PLEKHD1: variants seen among roughly 807,000 people sequenced by gnomAD.
The protein encoded by PLEKHD1 is pleckstrin homology domain-containing family D member 1.
PLEKHD1 carries 51 observed loss-of-function variants against 69.2 expected under a neutral mutation model. The ratio of observed to expected loss-of-function variants is 0.74; its 90% CI spans 0.59 to 0.93. PLEKHD1 has a LOEUF of 0.93. Ranked by LOEUF, PLEKHD1 falls within the 40% of genes least tolerant of loss-of-function variation. The pLI is 0.00. For synonymous variants in PLEKHD1, 236 were observed against 244.7 expected, an observed-to-expected ratio of 0.96 and a Z score of 0.33; for missense variants, 584 against 641.0, an observed-to-expected ratio of 0.91 and a Z score of 0.96.
chr14:69,473,591 A>G, the PLEKHD1 span, among the ~76,000 whole-genome samples: 1 of 152,176 alleles, frequency 6.6e-6, no homozygotes, highest in African/African-American at 2.4e-5. Context: ...CCCGGATCCT[A>G]TTACTGGCTC....
At chr14:69,470,068 G>A in the PLEKHD1 span, among the ~76,000 whole-genome samples, 1 of 152,010 alleles carries the variant, frequency 6.6e-6, no homozygotes, top group Non-Finnish European at 1.5e-5. Context: ...TCTGAGGTTT[G>A]CTTTAATTAC....
intron 6 of PLEKHD1, among the ~76,000 whole-genome samples, chr14:69,504,312 G>A (rs1035233735): frequency 7.9e-5 from 12 of 152,148 alleles, no homozygotes; most frequent in African/African-American, 2.9e-4. Context: ...ACTTTTCTTT[G>A]CCTAGTCACT....
chr14:69,522,720 C>A (rs895486397), intron 7 of PLEKHD1, among the ~76,000 whole-genome samples: 1 of 152,084 alleles, frequency 6.6e-6, no homozygotes, highest in Non-Finnish European at 1.5e-5. Context: ...TGCTGTTGGC[C>A]AAGACCCTCA....
At chr14:69,476,330 G>A in the PLEKHD1 span, among the ~76,000 whole-genome samples, 1 of 150,680 alleles carries the variant, frequency 6.6e-6, no homozygotes, top group Non-Finnish European at 1.5e-5. Flanking sequence ...AGCAACAGGA[G>A]GATCTTTCGA....
chr14:69,528,764 A>G lies in PLEKHD1; in HGVS notation c.*345A>G. Reference sequence around the variant, plus strand: ...AGGTGCTGTCTACCACTGTGCCATCAGGCAGGGTCTGCCCCACTGAGGAAG... The same window carrying G: ...AGGTGCTGTCTACCACTGTGCCATCGGGCAGGGTCTGCCCCACTGAGGAAG... On this transcript the variant is annotated 3_prime_UTR_variant, in exon 13 of 13. Transcript: ENST00000322564. 3.8e-6 allele frequency: 1 copy of G among 265,324 alleles called. No homozygotes were observed. The highest frequency in any genetic ancestry group is 7.2e-6 in the Non-Finnish European group (1 of 138,634). The allele number at this position is 265,324 out of a possible 1,614,324, so 16.4% of individuals were successfully genotyped here.
intron 6 of PLEKHD1, among the ~76,000 whole-genome samples, chr14:69,510,333 A>T (rs1272323872): frequency 8.5e-5 from 13 of 152,192 alleles, no homozygotes; most frequent in Admixed American, 8.5e-4. Flanking sequence ...AACATGGACT[A>T]TCCCTTCATT....
At chr14:69,518,068 G>C (rs756457350) in intron 6 of PLEKHD1, among the ~76,000 whole-genome samples, 1 of 151,858 alleles carries the variant, frequency 6.6e-6, no homozygotes, top group Non-Finnish European at 1.5e-5. Flanking sequence ...GCATCACTTT[G>C]TCACCCAGGC....
intron 6 of PLEKHD1, 156 bp downstream of exon 6, chr14:69,503,035 G>A: frequency 1.3e-6 from 1 of 775,592 alleles, no homozygotes; most frequent in Non-Finnish European, 2.1e-6. Flanking sequence ...GTGCTTGCTT[G>A]GGACTTGCTG....
Position 69,527,327 on chromosome 14 carries a change from T to C in PLEKHD1, c.1196T>C (p.Leu399Pro). Residue 399 changes from leucine to proline, a missense_variant, in exon 11 of 13, where the codon CTG becomes CCG. Coordinates refer to ENST00000322564, the MANE Select transcript of PLEKHD1 (RefSeq NM_001161498.2). ...EERMRADVSHLKRFFEECIRN... is the reference protein window; with the variant it reads ...EERMRADVSHPKRFFEECIRN... ...AGGATGCGGGCTGATGTGAGCCATC[T>C]GAAAAGTAAGCCCTGCCTCTAGGCC... is the stretch of plus-strand genomic sequence containing the variant. 1 of 1,551,640 alleles carries C rather than the reference T, an allele frequency of 6.4e-7. No homozygotes were observed. The highest frequency in any genetic ancestry group is 8.7e-7 in the Non-Finnish European group (1 of 1,146,994).
the PLEKHD1 span, among the ~76,000 whole-genome samples, chr14:69,470,438 G>C: frequency 6.7e-6 from 1 of 150,054 alleles, no homozygotes; most frequent in Non-Finnish European, 1.5e-5. Flanking sequence ...ACTCCAGCCT[G>C]GGTGACAGAG....
chr14:69,493,402 G>A (rs905413515), intron 1 of PLEKHD1, among the ~76,000 whole-genome samples: 1 of 152,164 alleles, frequency 6.6e-6, no homozygotes, highest in South Asian at 2.1e-4. Context: ...TAATCTCTAT[G>A]CCTCAGTTTC....
intron 6 of PLEKHD1, among the ~76,000 whole-genome samples, chr14:69,521,923 G>C (rs1490948424): frequency 6.6e-6 from 1 of 152,196 alleles, no homozygotes; most frequent in Non-Finnish European, 1.5e-5. Context: ...TTTCCTCCAG[G>C]TGTGAGGGAC....
chr14:69,471,382 A>T, the PLEKHD1 span, among the ~76,000 whole-genome samples: 2 of 152,000 alleles, frequency 1.3e-5, no homozygotes, highest in Non-Finnish European at 2.9e-5. Flanking sequence ...AAGAGCTGGG[A>T]TTACAGACAT....
At chr14:69,513,924 T>C (rs1203088595) in intron 6 of PLEKHD1, among the ~76,000 whole-genome samples, 2 of 152,214 alleles carry the variant, frequency 1.3e-5, no homozygotes, top group Non-Finnish European at 2.9e-5. Flanking sequence ...CATTCTTTTC[T>C]TGCTTTCATG....
chr14:69,518,567 A>G (rs1198769746), intron 6 of PLEKHD1, among the ~76,000 whole-genome samples: 2 of 152,220 alleles, frequency 1.3e-5, no homozygotes, highest in Non-Finnish European at 2.9e-5. Context: ...TCTTTACTGT[A>G]TTAAGTCTTC....
chr14:69,520,919 C>T (rs1883499357), intron 6 of PLEKHD1, among the ~76,000 whole-genome samples: 1 of 152,186 alleles, frequency 6.6e-6, no homozygotes, highest in Non-Finnish European at 1.5e-5. Context: ...CACGGACCCA[C>T]TCACCTTTAC....
At chr14:69,481,007 C>A (rs763373866), upstream of PLEKHD1, among the ~76,000 whole-genome samples, 1 of 152,178 alleles carries the variant, frequency 6.6e-6, no homozygotes, top group Non-Finnish European at 1.5e-5. Flanking sequence ...ATTTCCTTAC[C>A]ATGGGCTAGT....
rs1883782947 is a variant in PLEKHD1 at position 69,531,201 on chromosome 14, G to A, written c.*2782G>A. 6.6e-6 allele frequency: 1 copy of A among 152,026 alleles called. No individual in the cohort carries two copies. The highest frequency in any genetic ancestry group is 2.4e-5 in the African/African-American group (1 of 41,344). The allele number at this position is 152,026 out of a possible 1,614,324, so 9.4% of individuals were successfully genotyped here. On this transcript the variant is annotated 3_prime_UTR_variant, in exon 13 of 13. Transcript: ENST00000322564. ...TCTTTTTTTAATCCTGCAAACTACT[G>A]GGATAGTAATTAAATTTCAGTGTGA...
At chr14:69,511,262 G>T (rs992055375) in intron 6 of PLEKHD1, among the ~76,000 whole-genome samples, 10 of 152,130 alleles carry the variant, frequency 6.6e-5, no homozygotes, top group East Asian at 3.8e-4. Flanking sequence ...GGGTTCAAGC[G>T]ATCCTCCTGC....
Sources: gnomAD v4.1 joint callset for allele counts (sites outside exome capture counted in the v4.1 genomes callset) on GRCh38, gnomAD v4.1.1 for gene constraint, MANE v1.5 for transcripts, NCBI Gene and HGNC (gene_info 2026-07-23, HGNC 2026-07-21) for gene names.